JAZF1: variants seen among roughly 807,000 people sequenced by gnomAD.
JAZF1 encodes the protein juxtaposed with another zinc finger protein 1.
JAZF1 carries 8 observed loss-of-function variants against 26.4 expected under a neutral mutation model. That is an observed-to-expected ratio of 0.30 (90% CI 0.18 to 0.55). JAZF1 has a LOEUF of 0.55. JAZF1 is among the 20% of genes least tolerant of loss of function. The probability of loss-of-function intolerance (pLI) is 0.94; values close to 1 mark genes in which losing one functional copy is unlikely to be tolerated. For synonymous variants in JAZF1, 126 were observed against 122.3 expected (o/e 1.03, Z -0.20); for missense variants, 199 against 322.0 (o/e 0.62, Z 2.92).
Position 28,131,996 on chromosome 7 carries a change from GA to G in JAZF1, c.115+48466del, listed in dbSNP as rs950753289. 8.7e-5 allele frequency among the ~76,000 whole-genome samples: 13 copies of G among 150,124 alleles called. No homozygotes were observed. The East Asian group carries it at 1.2e-3, about 13-fold the overall frequency. The stretch of plus-strand genomic sequence containing the variant: ...GACTGACCACATAAAATATTGATTT[GA>G]AAAAAAAATACTCTTTGATCCTACT... On this transcript the variant is annotated intron_variant, in intron 1 of 4. Coordinates refer to ENST00000283928, the MANE Select transcript of JAZF1 (RefSeq NM_175061.4).
At chr7:28,132,272 G>C (rs1363750998) in intron 1 of JAZF1, among the ~76,000 whole-genome samples, 1 of 152,148 alleles carries the variant, frequency 6.6e-6, no homozygotes, top group East Asian at 1.9e-4. Context: ...GATCAGCAAG[G>C]CTCAGCTAAT....
intron 1 of JAZF1, among the ~76,000 whole-genome samples, chr7:28,018,486 T>C (rs1782940249): frequency 6.6e-6 from 1 of 152,226 alleles, no homozygotes; most frequent in South Asian, 2.1e-4. Flanking sequence ...TGTCACACTT[T>C]GCCAGGGACA....
At chr7:27,837,470 A>T (rs1411821158) in intron 4 of JAZF1, among the ~76,000 whole-genome samples, 5 of 152,204 alleles carry the variant, frequency 3.3e-5, no homozygotes, top group Admixed American at 2.6e-4. Flanking sequence ...TTGCCCTCAG[A>T]GCATCTGTCA....
At chr7:28,103,491 C>A in intron 1 of JAZF1, among the ~76,000 whole-genome samples, 1 of 152,132 alleles carries the variant, frequency 6.6e-6, no homozygotes, top group East Asian at 1.9e-4. Flanking sequence ...TGAAGATTAT[C>A]ATTTGGCATC....
At chr7:28,002,897 C>T (rs1241344318) in intron 1 of JAZF1, among the ~76,000 whole-genome samples, 3 of 152,018 alleles carry the variant, frequency 2.0e-5, no homozygotes, top group South Asian at 4.1e-4. Context: ...AGATTTCTTT[C>T]AGGCTGCCTG....
chr7:27,981,600 A>G (rs1012667412), intron 2 of JAZF1, among the ~76,000 whole-genome samples: 1 of 152,256 alleles, frequency 6.6e-6, no homozygotes, highest in Admixed American at 6.5e-5. Flanking sequence ...ATGTATTTTT[A>G]TAAAATGATC....
chr7:27,860,152 CT>C (rs1434764516), intron 3 of JAZF1, among the ~76,000 whole-genome samples: 19 of 152,270 alleles, frequency 1.2e-4, no homozygotes, highest in African/African-American at 4.3e-4. Flanking sequence ...TGTATGATAG[CT>C]CACATTTATT....
chr7:28,107,826 C>T (rs1483462627), intron 1 of JAZF1, among the ~76,000 whole-genome samples: 8 of 152,106 alleles, frequency 5.3e-5, no homozygotes, highest in Admixed American at 5.2e-4. Context: ...CTTTACAGAC[C>T]CTACGATGGA....
rs1583486551 is a variant in JAZF1 at position 27,971,477 on chromosome 7, C to T, written c.188+20432G>A. Among the ~76,000 whole-genome samples the T allele has an allele frequency of 2.6e-5, 4 of 152,254 alleles. No individual in the cohort carries two copies. The South Asian group carries it at 8.3e-4, about 32-fold the overall frequency. Reference sequence around the variant, plus strand: ...TTTTAAAGCTTGCCAGTGAGAGAGCCTTCAAAGGCAGGACTAGTCTTTAGG... The same window carrying T: ...TTTTAAAGCTTGCCAGTGAGAGAGCTTTCAAAGGCAGGACTAGTCTTTAGG... On this transcript the variant is annotated intron_variant, in intron 2 of 4. Coordinates refer to ENST00000283928, the MANE Select transcript of JAZF1 (RefSeq NM_175061.4).
chr7:27,991,953 T>A lies in JAZF1; in HGVS notation c.144A>T (p.Gln48His). ...IDTDPRVLEKQELQQPTYVAL... is the reference protein window; with the variant it reads ...IDTDPRVLEKHELQQPTYVAL... ...CAACATAGGTTGGCTGCTGTAATTC[T>A]TGTTTTTCTAAAACCCGTGGATCTG... The change falls in exon 2 of 5, where the codon CAA (glutamine) becomes CAT (histidine). Residue 48 changes from glutamine to histidine, a missense_variant. This residue lies in a region of JAZF1 where 137 missense variants were observed against 184.8 expected (regional missense o/e 0.74). Coordinates refer to ENST00000283928, the MANE Select transcript of JAZF1 (RefSeq NM_175061.4). 6.2e-7 allele frequency: 1 copy of A among 1,607,384 alleles called. No homozygotes were observed. Among genetic ancestry groups the A allele is most frequent in the Non-Finnish European group, 8.5e-7 (1 of 1,174,834 alleles).
intron 1 of JAZF1, among the ~76,000 whole-genome samples, chr7:28,136,473 T>C (rs1782888168): frequency 6.6e-6 from 1 of 152,218 alleles, no homozygotes; most frequent in South Asian, 2.1e-4. Flanking sequence ...CCAACAAGGA[T>C]GAGTCTAGAA....
At chr7:27,911,331 T>C (rs1415446809) in intron 2 of JAZF1, among the ~76,000 whole-genome samples, 1 of 152,210 alleles carries the variant, frequency 6.6e-6, no homozygotes, top group East Asian at 1.9e-4. Flanking sequence ...TATTACCTTA[T>C]TTAATCCTCA....
At chr7:27,913,540 C>T in intron 2 of JAZF1, 1 of 278,494 alleles carries the variant, frequency 3.6e-6, no homozygotes, top group Non-Finnish European at 7.5e-6. Flanking sequence ...GTGGTCAGCA[C>T]AGCTGCAGGA....
chr7:27,892,004 T>C (rs1362323928), intron 3 of JAZF1, among the ~76,000 whole-genome samples: 6 of 152,212 alleles, frequency 3.9e-5, no homozygotes, highest in Non-Finnish European at 7.3e-5. Context: ...CTATTACTTC[T>C]GAAGTGGGAA....
At chr7:28,110,515 A>AAAGGAAAGGAAAGG (rs1562590947) in intron 1 of JAZF1, among the ~76,000 whole-genome samples, 1 of 58,966 alleles carries the variant, frequency 1.7e-5, no homozygotes, top group Non-Finnish European at 2.9e-5. Context: ...AAAGGAAAGG[A>AAAGGAAAGGAAAGG]AAAGGAAAAG....
At chr7:28,140,566 G>A (rs796302592) in intron 1 of JAZF1, among the ~76,000 whole-genome samples, 1 of 151,904 alleles carries the variant, frequency 6.6e-6, no homozygotes, top group African/African-American at 2.4e-5. Context: ...TAGATCCGGG[G>A]TGGGGAGAGA....
chr7:28,110,571 GGGAAAGGGAAAA>G lies in JAZF1; in HGVS notation c.115+69880_115+69891del, dbSNP rs1466913283. On this transcript the variant is annotated intron_variant, in intron 1 of 4. Transcript: ENST00000283928. Reference sequence around the variant, plus strand: ...AAGGAAAAGGAAAGGGAAAGGAAAAGGGAAAGGGAAAAGGAAAAGGAAAAGGAAAAGGAAAAG... The same window carrying G: ...AAGGAAAAGGAAAGGGAAAGGAAAAGGGAAAAGGAAAAGGAAAAGGAAAAG... Among the ~76,000 whole-genome samples, 4 of 114,074 alleles carry G rather than the reference GGGAAAGGGAAAA, an allele frequency of 3.5e-5. No homozygotes were observed. In the East Asian group the frequency reaches 1.1e-3, roughly 31 times the overall value. The allele number at this position is 114,074 out of a possible 152,430, so 74.8% of individuals were successfully genotyped here.
chr7:28,161,061 G>A (rs1223342433), intron 1 of JAZF1, among the ~76,000 whole-genome samples: 3 of 152,052 alleles, frequency 2.0e-5, no homozygotes, highest in Non-Finnish European at 4.4e-5. Context: ...GATTATTTAA[G>A]CACTCTGTAG....
intron 1 of JAZF1, among the ~76,000 whole-genome samples, chr7:28,067,755 C>T (rs550937987): frequency 6.2e-4 from 95 of 152,230 alleles, no homozygotes; most frequent in African/African-American, 1.9e-3. Flanking sequence ...AAGGGGACTT[C>T]GGCAGGTGCT....
Sources: gnomAD v4.1 joint callset for allele counts (sites outside exome capture counted in the v4.1 genomes callset) on GRCh38, gnomAD v4.1.1 for gene constraint, gnomAD v4.1.1 regional missense constraint, MANE v1.5 for transcripts, NCBI Gene and HGNC (gene_info 2026-07-23, HGNC 2026-07-21) for gene names.